MNAT1: variants seen among roughly 807,000 people sequenced by gnomAD.
The protein encoded by MNAT1 is CDK-activating kinase assembly factor MAT1.
In MNAT1, 43 loss-of-function variants were observed where a neutral mutation model predicts 42.0. That is an observed-to-expected ratio of 1.02 (90% confidence interval 0.80 to 1.32). The LOEUF (loss-of-function observed/expected upper bound fraction) is 1.32, where lower values mean the gene tolerates loss of function less well. Among genes scored for constraint, MNAT1 ranks in the 40% most tolerant of loss-of-function variants. The pLI, the probability that MNAT1 is intolerant of heterozygous loss-of-function variation, is 0.00. For synonymous variants in MNAT1, 118 were observed against 120.0 expected (o/e 0.98, Z 0.11); for missense variants, 306 against 350.4 (o/e 0.87, Z 1.01).
chr14:60,757,819 G>A (rs183105484), intron 1 of MNAT1, among the ~76,000 whole-genome samples: 1 of 152,270 alleles, frequency 6.6e-6, no homozygotes, highest in East Asian at 1.9e-4. Context: ...TGATTCTGAT[G>A]CTTTACTTAT....
chr14:60,918,195 G>GTTTTTTT (rs1376166023), intron 7 of MNAT1, among the ~76,000 whole-genome samples: 1 of 48,916 alleles, frequency 2.0e-5, no homozygotes, highest in African/African-American at 5.6e-5. Context: ...CCAATTAATT[G>GTTTTTTT]TTCTTTTTTT....
At chr14:60,801,875 A>G (rs977134500) in intron 3 of MNAT1, among the ~76,000 whole-genome samples, 1 of 152,192 alleles carries the variant, frequency 6.6e-6, no homozygotes, top group Admixed American at 6.5e-5. Flanking sequence ...AATCAACCTA[A>G]GTGTCCATCA....
At chr14:60,751,134 T>G (rs2030073506) in intron 1 of MNAT1, among the ~76,000 whole-genome samples, 2 of 151,956 alleles carry the variant, frequency 1.3e-5, no homozygotes, top group Admixed American at 1.3e-4. Context: ...AACTGAAGCC[T>G]AAGAAAGGAT....
At chr14:60,866,964 C>T (rs910150101) in intron 6 of MNAT1, among the ~76,000 whole-genome samples, 4 of 152,002 alleles carry the variant, frequency 2.6e-5, no homozygotes, top group African/African-American at 4.8e-5. Flanking sequence ...CTGTGTGGAA[C>T]ACTAATTAGA....
chr14:60,838,358 G>A (rs1463792681), intron 6 of MNAT1, among the ~76,000 whole-genome samples: 4 of 151,724 alleles, frequency 2.6e-5, no homozygotes, highest in African/African-American at 7.3e-5. Context: ...GGCTAGTCTC[G>A]AACTCCTGAG....
At chr14:60,741,658 GTTTTT>G (rs3049888) in intron 1 of MNAT1, among the ~76,000 whole-genome samples, 1 of 92,022 alleles carries the variant, frequency 1.1e-5, no homozygotes, top group Non-Finnish European at 2.0e-5. Context: ...TGCGCCTGGG[GTTTTT>G]TTTTTTTTTT....
chr14:60,904,839 A>T (rs1408379226), intron 7 of MNAT1, among the ~76,000 whole-genome samples: 2 of 152,014 alleles, frequency 1.3e-5, no homozygotes, highest in Non-Finnish European at 2.9e-5. Context: ...TTATTATTGG[A>T]CTTTGTTTAC....
chr14:60,874,433 C>T (rs1230474696), intron 6 of MNAT1, among the ~76,000 whole-genome samples: 2 of 152,144 alleles, frequency 1.3e-5, no homozygotes, highest in Non-Finnish European at 2.9e-5. Flanking sequence ...CCTCTGAGGT[C>T]TGGCACAAGT....
chr14:60,957,858 A>T, intron 7 of MNAT1, among the ~76,000 whole-genome samples: 1 of 150,382 alleles, frequency 6.6e-6, no homozygotes, highest in African/African-American at 2.4e-5. Context: ...TTTTTTGGGG[A>T]TGGCGTTTCA....
intron 1 of MNAT1, among the ~76,000 whole-genome samples, chr14:60,761,646 T>C (rs563877085): frequency 4.6e-5 from 7 of 152,340 alleles, no homozygotes; most frequent in African/African-American, 1.4e-4. Flanking sequence ...ATTTCCTTTA[T>C]TGCATGTTTC....
At chr14:60,796,447 C>T in intron 2 of MNAT1, 78 bp downstream of exon 2, 5 of 1,349,312 alleles carry the variant, frequency 3.7e-6, no homozygotes, top group Non-Finnish European at 5.1e-6. Context: ...ATTATTTGCT[C>T]ATAAATGTGG....
intron 1 of MNAT1, among the ~76,000 whole-genome samples, chr14:60,760,781 G>A (rs1191535722): frequency 1.3e-5 from 2 of 152,164 alleles, no homozygotes; most frequent in Non-Finnish European, 2.9e-5. Context: ...CTCTTGTCTG[G>A]TAGAAAGTAC....
In MNAT1 at chr14:60,828,307, C is replaced by T. The variant is rs539838761; in HGVS notation, c.687+9460C>T. 4.6e-5 allele frequency among the ~76,000 whole-genome samples: 7 copies of T among 151,990 alleles called. No homozygotes were observed. In the South Asian group the frequency reaches 1.0e-3, roughly 23 times the overall value. Reference sequence around the variant, plus strand: ...TATAAAACTCTCAGGATGCCTGGCTCGTTGTAAAGATACTAAGTATAAATA... The same window carrying T: ...TATAAAACTCTCAGGATGCCTGGCTTGTTGTAAAGATACTAAGTATAAATA... On this transcript the variant is annotated intron_variant, in intron 6 of 7. Transcript: ENST00000261245.
At chr14:60,889,472 A>G (rs1340978718) in intron 7 of MNAT1, among the ~76,000 whole-genome samples, 2 of 152,134 alleles carry the variant, frequency 1.3e-5, no homozygotes, top group East Asian at 3.8e-4. Context: ...AAAGACTTAA[A>G]CGTTAGATCT....
rs1266115635 is a variant in MNAT1, at chr14:60,734,831, C to T, written c.-32C>T. 6.2e-7 allele frequency: 1 copy of T among 1,607,362 alleles called. No individual in the cohort carries two copies. The highest frequency in any genetic ancestry group is 1.3e-5 in the African/African-American group (1 of 74,888). On this transcript the variant is annotated 5_prime_UTR_variant, in exon 1 of 8. Transcript: ENST00000261245. The surrounding 1 kb of genome is among the most constrained non-coding windows in gnomAD (Gnocchi z 4.3). ...TGTAGGTGGCTCTGGCTGAAACAGG[C>T]GCCTGCGAGAGTCTGTAGGAGGGAA...
At chr14:60,892,209 CT>C (rs2034860769) in intron 7 of MNAT1, among the ~76,000 whole-genome samples, 1 of 151,938 alleles carries the variant, frequency 6.6e-6, no homozygotes, top group South Asian at 2.1e-4. Context: ...TTTTATTTAT[CT>C]TTTGTCTAGT....
chr14:60,910,702 T>A (rs960524263), intron 7 of MNAT1, among the ~76,000 whole-genome samples: 24 of 152,348 alleles, frequency 1.6e-4, no homozygotes, highest in African/African-American at 5.0e-4. Context: ...ATAAACTTTT[T>A]GATGTGCTGC....
intron 6 of MNAT1, among the ~76,000 whole-genome samples, chr14:60,847,098 TTTGTCTTAAAGAC>T (rs1210558148): frequency 6.6e-6 from 1 of 152,194 alleles, no homozygotes; most frequent in African/African-American, 2.4e-5. Flanking sequence ...AGTAACAGTT[TTTGTCTTAAAGAC>T]TTGTTTTATT....
chr14:60,738,401 G>A (rs144956253), intron 1 of MNAT1, among the ~76,000 whole-genome samples: 63 of 151,188 alleles, frequency 4.2e-4, no homozygotes, highest in African/African-American at 1.5e-3. Context: ...GACTACAGTC[G>A]CATGCCACCA....
Sources: gnomAD v4.1 joint callset for allele counts (sites outside exome capture counted in the v4.1 genomes callset) on GRCh38, gnomAD v4.1.1 for gene constraint, Gnocchi (gnomAD v3.1) non-coding constraint, MANE v1.5 for transcripts, NCBI Gene and HGNC (gene_info 2026-07-23, HGNC 2026-07-21) for gene names.